Variants in CCN4 observed in about 807,000 individuals in gnomAD.
The protein encoded by CCN4 is CCN family member 4.
CCN4 carries 30 observed loss-of-function variants against 36.7 expected under a neutral mutation model. The observed-to-expected ratio is 0.82, with a 90% CI of 0.61 to 1.11. The LOEUF (loss-of-function observed/expected upper bound fraction) is 1.11, where lower values mean the gene tolerates loss of function less well. CCN4 is among the 50% of genes least tolerant of loss of function. The pLI is 0.00. For missense variants in CCN4, 505 were observed against 504.9 expected (o/e 1.00, Z 0.00); for synonymous variants, 191 against 195.4 (o/e 0.98, Z 0.19).
intron 1 of CCN4, among the ~76,000 whole-genome samples, chr8:133,199,004 T>C (rs1002081681): frequency 3.3e-5 from 5 of 152,226 alleles, no homozygotes; most frequent in Non-Finnish European, 5.9e-5. Context: ...AGACCTGGCA[T>C]AGGCTGGGGA....
At chr8:133,220,920 G>C in intron 3 of CCN4, 79 bp downstream of exon 3, 1 of 1,502,112 alleles carries the variant, frequency 6.7e-7, no homozygotes, top group Admixed American at 2.2e-5. Flanking sequence ...GACCACCATA[G>C]AATGACTCAT....
intron 1 of CCN4, among the ~76,000 whole-genome samples, chr8:133,199,823 C>T (rs1037009480): frequency 2.0e-5 from 3 of 152,158 alleles, no homozygotes; most frequent in Non-Finnish European, 2.9e-5. Flanking sequence ...AAGAGCCAGC[C>T]CTTGTTGGGC....
chr8:133,209,481 C>T (rs1364745056), intron 1 of CCN4, among the ~76,000 whole-genome samples: 1 of 152,352 alleles, frequency 6.6e-6, no homozygotes, highest in East Asian at 1.9e-4. Flanking sequence ...CGACTGCCCA[C>T]AGCCCTTCCC....
intron 2 of CCN4, among the ~76,000 whole-genome samples, chr8:133,217,924 C>A: frequency 3.5e-5 from 1 of 28,210 alleles, no homozygotes; most frequent in African/African-American, 2.0e-4. Context: ...CGGGCTTAGC[C>A]CACTCCCTTC....
chr8:133,198,366 AC>A (rs1853464347), intron 1 of CCN4, among the ~76,000 whole-genome samples: 2 of 152,178 alleles, frequency 1.3e-5, no homozygotes, highest in African/African-American at 4.8e-5. Context: ...TTTCTGGCCC[AC>A]AGCAGCCTCA....
intron 1 of CCN4, among the ~76,000 whole-genome samples, chr8:133,194,361 T>G (rs944277697): frequency 7.3e-3 from 166 of 22,748 alleles, no homozygotes; most frequent in East Asian, 0.021. Flanking sequence ...TGGTGGTGTG[T>G]GGGGGTGTGT....
chr8:133,211,125 C>A (rs1246041259), intron 1 of CCN4, among the ~76,000 whole-genome samples: 1 of 152,232 alleles, frequency 6.6e-6, no homozygotes, highest in Non-Finnish European at 1.5e-5. Context: ...TTCCTCATCC[C>A]TGGTCCTTCA....
chr8:133,206,372 C>T (rs771715566), intron 1 of CCN4, among the ~76,000 whole-genome samples: 5 of 152,186 alleles, frequency 3.3e-5, no homozygotes, highest in African/African-American at 9.7e-5. Flanking sequence ...TGGATGACTC[C>T]GCAAGCGGAT....
intron 1 of CCN4, among the ~76,000 whole-genome samples, chr8:133,195,083 TGTG>T (rs2130524379): frequency 6.9e-6 from 1 of 144,906 alleles, no homozygotes; most frequent in East Asian, 2.1e-4. Flanking sequence ...GTAGTGTGCT[TGTG>T]TGTGTGTGGT....
At position 133,197,615 on chromosome 8, in the gene CCN4, A is replaced by G. The variant is rs150561535; in HGVS notation, c.69+6402A>G. On this transcript the variant is annotated intron_variant, in intron 1 of 4. Transcript: ENST00000250160. ...AAGAGAGACAGAGTCGAGGGAGAAGAGACTGCCTCGCAAATGTGAACGATG... is the reference window on the plus strand; with the variant it reads ...AAGAGAGACAGAGTCGAGGGAGAAGGGACTGCCTCGCAAATGTGAACGATG... Among the ~76,000 whole-genome samples the G allele has an allele frequency of 2.1e-3, 326 of 152,266 alleles. 1 individual carries two copies. Among genetic ancestry groups the G allele is most frequent in the African/African-American group, 7.4e-3 (307 of 41,548 alleles).
intron 1 of CCN4, among the ~76,000 whole-genome samples, chr8:133,193,606 G>A (rs549613617): frequency 1.3e-5 from 2 of 152,198 alleles, no homozygotes; most frequent in Non-Finnish European, 2.9e-5. Context: ...ACATGTATAA[G>A]ACCAACCTCA....
At chr8:133,203,688 C>T (rs1316503600) in intron 1 of CCN4, among the ~76,000 whole-genome samples, 1 of 152,158 alleles carries the variant, frequency 6.6e-6, no homozygotes, top group Non-Finnish European at 1.5e-5. Flanking sequence ...ATGGGGTCCC[C>T]TCATTGCAGA....
chr8:133,194,767 G>A (rs1352674606), intron 1 of CCN4, among the ~76,000 whole-genome samples: 4 of 135,536 alleles, frequency 3.0e-5, no homozygotes, highest in Admixed American at 1.5e-4. Context: ...TGTGCCTGGG[G>A]TGTGTGGGGG....
intron 2 of CCN4, among the ~76,000 whole-genome samples, chr8:133,220,174 C>T (rs373504171): frequency 1.3e-5 from 2 of 151,690 alleles, no homozygotes; most frequent in South Asian, 2.1e-4. Context: ...GAATGGAACA[C>T]GTGTTTCGAA....
At chr8:133,210,811 T>TA (rs1853993952) in intron 1 of CCN4, among the ~76,000 whole-genome samples, 1 of 152,150 alleles carries the variant, frequency 6.6e-6, no homozygotes, top group Non-Finnish European at 1.5e-5. Flanking sequence ...CCTAGTGGCT[T>TA]AAGGGAAAGC....
intron 2 of CCN4, among the ~76,000 whole-genome samples, chr8:133,213,590 C>A (rs934323762): frequency 6.6e-6 from 1 of 151,476 alleles, no homozygotes; most frequent in Non-Finnish European, 1.5e-5. Flanking sequence ...AAATCAGCAG[C>A]CTGCAGTCAT....
intron 3 of CCN4, among the ~76,000 whole-genome samples, chr8:133,223,642 C>G (rs984340836): frequency 3.1e-5 from 3 of 96,396 alleles, no homozygotes; most frequent in African/African-American, 9.6e-5. Flanking sequence ...TTCTCTCTCT[C>G]ACACACACAC....
intron 2 of CCN4, among the ~76,000 whole-genome samples, chr8:133,214,793 A>G (rs1364027916): frequency 6.6e-6 from 1 of 152,146 alleles, no homozygotes; most frequent in African/African-American, 2.4e-5. Flanking sequence ...TTAGTGCTGA[A>G]TCAAGCCTTC....
chr8:133,195,448 A>C (rs540465258), intron 1 of CCN4, among the ~76,000 whole-genome samples: 1 of 152,110 alleles, frequency 6.6e-6, no homozygotes, highest in South Asian at 2.1e-4. Context: ...AGAGAATGTG[A>C]ACAATATGTC....
Sources: allele counts gnomAD v4.1 joint callset (sites outside exome capture counted in the v4.1 genomes callset), GRCh38; gene constraint gnomAD v4.1.1; transcripts MANE v1.5; gene names NCBI Gene and HGNC (gene_info 2026-07-23, HGNC 2026-07-21).